Variants in PODNL1 observed in about 807,000 individuals in gnomAD.
PODNL1 encodes podocan-like protein 1.
In PODNL1, 50 loss-of-function variants were observed where a neutral mutation model predicts 45.1. The ratio of observed to expected loss-of-function variants is 1.11; its 90% CI spans 0.88 to 1.40. PODNL1 has a LOEUF of 1.40. Ranked by LOEUF, PODNL1 falls within the 40% of genes most tolerant of loss-of-function variation. PODNL1 has a pLI of 0.00. For synonymous variants in PODNL1, 406 were observed against 372.5 expected (o/e 1.09, Z -1.04); for missense variants, 788 against 793.3 (o/e 0.99, Z 0.08).
In PODNL1 at chr19:13,932,236, A is replaced by AC; in HGVS notation, c.1426-125dup. The AC allele has an allele frequency of 4.6e-6, 5 of 1,085,962 alleles. No homozygotes were observed. The South Asian group carries it at 2.1e-4, about 45-fold the overall frequency. 67.3% of individuals were successfully genotyped at this position (1,085,962 alleles called of 1,614,324 possible). On this transcript the variant is annotated intron_variant, in intron 8 of 9. Coordinates refer to ENST00000588872, the MANE Select transcript of PODNL1 (RefSeq NM_001370095.3). ...TACCAGCCTGGCCCTTCTGCCCCCCACCCCCCATGATTGCCAAATTCCTCC... is the reference window on the plus strand; with the variant it reads ...TACCAGCCTGGCCCTTCTGCCCCCCACCCCCCCATGATTGCCAAATTCCTCC...
chr19:13,934,856 A>T (rs978573211), intron 5 of PODNL1, among the ~76,000 whole-genome samples: 1 of 149,958 alleles, frequency 6.7e-6, no homozygotes, highest in African/African-American at 2.5e-5. Context: ...TGTGCATGTG[A>T]TTGTGTGTGT....
exon 1 of PODNL1, chr19:13,953,212 C>T: frequency 7.2e-7 from 1 of 1,387,152 alleles, no homozygotes; most frequent in South Asian, 1.4e-5. Context: ...GGCTCTGTCT[C>T]CTCCATCAGA....
At position 13,935,709 on chromosome 19, in the gene PODNL1, G is replaced by A; in HGVS notation, c.494+12C>T. On this transcript the variant is annotated intron_variant, in intron 5 of 9. Coordinates refer to ENST00000588872, the MANE Select transcript of PODNL1 (RefSeq NM_001370095.3). ...TCTGAGGCCTGGGGGCCTGGGCTGG[G>A]CCAGGGTCTACCTGAGTGCCGGCTT... 6.5e-7 allele frequency: 1 copy of A among 1,531,796 alleles called. No homozygotes were observed. The highest frequency in any genetic ancestry group is 2.3e-5 in the East Asian group (1 of 43,730). 94.9% of individuals were successfully genotyped at this position (1,531,796 alleles called of 1,614,324 possible). A position where few individuals can be genotyped will look rare whatever the true frequency, so the allele number is the denominator to read the frequency against.
chr19:13,935,969 T>TG lies in PODNL1; in HGVS notation c.384+10dup, dbSNP rs1193474831. 2 of 1,551,542 alleles carry TG rather than the reference T, an allele frequency of 1.3e-6. No individual in the cohort carries two copies. The highest frequency in any genetic ancestry group is 1.4e-5 in the African/African-American group (1 of 73,078). ...ACTGGGCTCGGCCTGCGGGTGGGGC[T>TG]GGGGGCTCACCTTGTTGTGAGCCAC... On this transcript the variant is annotated intron_variant, in intron 4 of 9. Transcript: ENST00000588872.
intron 8 of PODNL1, chr19:13,932,386 G>A: frequency 2.0e-6 from 1 of 488,370 alleles, no homozygotes; most frequent in Non-Finnish European, 3.4e-6. Context: ...TCAAGAGACA[G>A]GGTCTTGCTC....
intron 1 of PODNL1, among the ~76,000 whole-genome samples, chr19:13,950,519 T>C (rs1599454361): frequency 6.6e-6 from 1 of 152,188 alleles, no homozygotes; most frequent in South Asian, 2.1e-4. Context: ...ATGTCTGATG[T>C]TGTCTAATGG....
chr19:13,938,401 T>G lies in PODNL1; in HGVS notation c.-220A>C. The G allele has an allele frequency of 4.3e-6, 6 of 1,388,938 alleles. No individual in the cohort carries two copies. The highest frequency in any genetic ancestry group is 4.7e-6 in the Non-Finnish European group (5 of 1,072,840). 86.0% of individuals were successfully genotyped at this position (1,388,938 alleles called of 1,614,324 possible). A position where few individuals can be genotyped will look rare whatever the true frequency, so the allele number is the denominator to read the frequency against. ...ACGGGCAGGCGGCCGGATGGGGTGG[T>G]GAGGACAGGCCAGCCCGTCCCCTTG... On this transcript the variant is annotated 5_prime_UTR_variant, in exon 1 of 10. Transcript: ENST00000588872.
Position 13,933,765 on chromosome 19 carries a change from A to G in PODNL1, c.767+113T>C. On this transcript the variant is annotated intron_variant, in intron 7 of 9. Transcript: ENST00000588872. The surrounding 1 kb of genome is among the most constrained non-coding windows in gnomAD (Gnocchi z 5.2). ...TGCTCTGCCGAGCCCAGTGAGCAGCAGGCACTCAGTAAATGAGGCCGTGGC... is the reference window on the plus strand; with the variant it reads ...TGCTCTGCCGAGCCCAGTGAGCAGCGGGCACTCAGTAAATGAGGCCGTGGC... 1.1e-6 allele frequency: 1 copy of G among 908,866 alleles called. No individual in the cohort carries two copies. The highest frequency in any genetic ancestry group is 1.7e-6 in the Non-Finnish European group (1 of 581,654). The allele number at this position is 908,866 out of a possible 1,614,324, so 56.3% of individuals were successfully genotyped here. A position where few individuals can be genotyped will look rare whatever the true frequency, so the allele number is the denominator to read the frequency against.
At chr19:13,932,183 CCTCT>C in intron 8 of PODNL1, 71 bp from the exon 9 acceptor site, 1 of 1,235,464 alleles carries the variant, frequency 8.1e-7, no homozygotes, top group Middle Eastern at 3.1e-4. Flanking sequence ...CAGCCCCCAA[CCTCT>C]CTGAGAGTCC....
intron 2 of PODNL1, among the ~76,000 whole-genome samples, 185 bp downstream of exon 2, chr19:13,937,600 C>G (rs953308622): frequency 2.6e-5 from 4 of 152,082 alleles, no homozygotes; most frequent in Non-Finnish European, 5.9e-5. Context: ...ACGCTCACCC[C>G]TCTCATCTTG....
intron 1 of PODNL1, 39 bp downstream of exon 1, chr19:13,938,140 G>T: frequency 6.4e-7 from 1 of 1,566,526 alleles, no homozygotes; most frequent in African/African-American, 1.4e-5. Flanking sequence ...GGGGGGGCAG[G>T]CAGGCCCCAC....
In PODNL1 at chr19:13,934,526, T is replaced by TGTGCGC. The variant is rs527262132; in HGVS notation, c.495-117_495-116insGCGCAC. ...GTGTGTGTGTGTGTGTGTGTGTGTGTGCGCGCGCATGTGTGGAGTCTGTGT... is the reference window on the plus strand; with the variant it reads ...GTGTGTGTGTGTGTGTGTGTGTGTGTGTGCGCGCGCGCGCATGTGTGGAGTCTGTGT... On this transcript the variant is annotated intron_variant, in intron 5 of 9. Coordinates refer to ENST00000588872, the MANE Select transcript of PODNL1 (RefSeq NM_001370095.3). The TGTGCGC allele has an allele frequency of 7.5e-4, 676 of 899,218 alleles. 4 individuals are homozygous for TGTGCGC. The African/African-American group carries it at 0.01, about 14-fold the overall frequency. The allele number at this position is 899,218 out of a possible 1,614,324, so 55.7% of individuals were successfully genotyped here.
chr19:13,947,054 CA>C (rs367589151), intron 1 of PODNL1, among the ~76,000 whole-genome samples: 52 of 128,010 alleles, frequency 4.1e-4, no homozygotes, highest in African/African-American at 3.4e-4. Flanking sequence ...CACAAAAAAA[CA>C]AAAAAAAAAC....
At chr19:13,938,549 G>A (rs1972533608), upstream of PODNL1, 5 of 944,314 alleles carry the variant, frequency 5.3e-6, no homozygotes, top group East Asian at 7.1e-5. Context: ...TGGGACGACC[G>A]CAGGAGTAGG....
At chr19:13,949,148 C>T (rs561729559) in intron 1 of PODNL1, 61 of 152,006 alleles carry the variant, frequency 4.0e-4, no homozygotes, top group African/African-American at 1.4e-3. Flanking sequence ...TTAGTAGAGA[C>T]AGCATTTCAC....
rs746075010 is a variant in PODNL1, at chr19:13,931,985, C to G, written c.1553G>C (p.Arg518Pro). The part of the protein sequence containing the change: ...VGPEAFLSTP[R>P]LRALFLRANR... ...GCACCTGAGGAAGAGGGCACGCAGG[C>G]GGGGTGTGCTGAGGAAGGCCTCGGG... Residue 518 changes from arginine (R) to proline (P), a missense_variant, in exon 9 of 10, where the codon CGC becomes CCC. Coordinates refer to ENST00000588872, the MANE Select transcript of PODNL1 (RefSeq NM_001370095.3). The G allele has an allele frequency of 8.1e-7, 1 of 1,232,340 alleles. No homozygotes were observed. The highest frequency in any genetic ancestry group is 1.0e-6 in the Non-Finnish European group (1 of 988,128). 76.3% of individuals were successfully genotyped at this position (1,232,340 alleles called of 1,614,324 possible).
intron 1 of PODNL1, among the ~76,000 whole-genome samples, chr19:13,943,800 A>G (rs1249756270): frequency 1.3e-5 from 2 of 152,008 alleles, no homozygotes; most frequent in East Asian, 3.9e-4. Flanking sequence ...TGGTCTTTGG[A>G]TTCAGGGTCC....
At chr19:13,951,292 T>A (rs1162970530) in intron 1 of PODNL1, among the ~76,000 whole-genome samples, 1 of 150,012 alleles carries the variant, frequency 6.7e-6, no homozygotes, top group Non-Finnish European at 1.5e-5. Flanking sequence ...CAAAAAAAAT[T>A]TTTTTAATGA....
At chr19:13,951,800 A>T (rs1973045794) in intron 1 of PODNL1, among the ~76,000 whole-genome samples, 2 of 152,158 alleles carry the variant, frequency 1.3e-5, no homozygotes, top group Admixed American at 6.6e-5. Flanking sequence ...GGTAATGTAT[A>T]CGAATATGAT....
Sources: allele counts gnomAD v4.1 joint callset (sites outside exome capture counted in the v4.1 genomes callset), GRCh38; gene constraint gnomAD v4.1.1; non-coding constraint Gnocchi (gnomAD v3.1); transcripts MANE v1.5; gene names NCBI Gene and HGNC (gene_info 2026-07-23, HGNC 2026-07-21).